The following F8 variants were observed in gnomAD, a reference collection of about 807,000 sequenced individuals.
The protein encoded by F8 is antihemophilic factor.
A neutral mutation model predicts 140.6 loss-of-function variants in F8; 12 were observed. The ratio of observed to expected loss-of-function variants is 0.09; its 90% CI spans 0.05 to 0.14. The LOEUF is 0.14. Ranked by LOEUF, F8 falls within the 10% of genes least tolerant of loss-of-function variation. F8 has a pLI of 1.00. For missense variants in F8, 1,354 were observed against 1,720.7 expected, an observed-to-expected ratio of 0.79 and a Z score of 3.77; for synonymous variants, 585 against 614.6, an observed-to-expected ratio of 0.95 and a Z score of 0.71.
rs1557270921 is a variant in F8, at chrX:154,836,442, C to CTAAA, written c.*1154_*1155insTTTA. On this transcript the variant is annotated 3_prime_UTR_variant, in exon 26 of 26. Transcript: ENST00000360256. ...GGGATCCTATTGTGTGGTGATATGG[C>CTAAA]AGACTGGAGTGTTTTTTCTGTTTTC... The CTAAA allele has an allele frequency of 1.8e-5, 2 of 111,315 alleles. No homozygotes were observed. The highest frequency in any genetic ancestry group is 3.8e-5 in the Non-Finnish European group (2 of 53,091). The allele number at this position is 111,315 out of a possible 1,213,427, so 9.2% of individuals were successfully genotyped here. A position where few individuals can be genotyped will look rare whatever the true frequency, so the allele number is the denominator to read the frequency against.
intron 14 of F8, among the ~76,000 whole-genome samples, chrX:154,909,894 A>G (rs143405323): frequency 0.014 from 1,628 of 112,573 alleles, 12 homozygotes; most frequent in Non-Finnish European, 0.024. Flanking sequence ...ATTTTGAAAC[A>G]TACAATAAAT....
intron 22 of F8, among the ~76,000 whole-genome samples, chrX:154,869,410 T>C (rs984053412): frequency 9.0e-5 from 10 of 111,507 alleles, no homozygotes; most frequent in Non-Finnish European, 1.7e-4. Context: ...ACCACAAAAA[T>C]ACATGGAAAC....
chrX:154,950,035 G>C (rs1225266635), intron 12 of F8, among the ~76,000 whole-genome samples: 1 of 111,825 alleles, frequency 8.9e-6, no homozygotes, highest in Admixed American at 9.5e-5. Context: ...AAAATGCTGG[G>C]ATTACAGGCG....
intron 1 of F8, among the ~76,000 whole-genome samples, chrX:155,004,141 C>A (rs919313711): frequency 3.6e-5 from 4 of 110,636 alleles, no homozygotes; most frequent in Non-Finnish European, 7.6e-5. Context: ...TCCAACTTCG[C>A]CTCAGAAACC....
At chrX:154,967,337 T>A (rs1557282135) in intron 7 of F8, among the ~76,000 whole-genome samples, 1 of 112,469 alleles carries the variant, frequency 8.9e-6, no homozygotes, top group Admixed American at 9.4e-5. Flanking sequence ...TGCCTGTGAC[T>A]AGTTGTAAAC....
At chrX:154,874,156 G>A (rs1603431983) in intron 22 of F8, among the ~76,000 whole-genome samples, 1 of 112,308 alleles carries the variant, frequency 8.9e-6, no homozygotes, top group East Asian at 2.8e-4. Flanking sequence ...AATGGGCAAA[G>A]AACCCAAATA....
rs2072482297 is a variant in F8 at position 154,837,442 on chromosome X, A to G, written c.*155T>C. 1 of 614,674 alleles carries G rather than the reference A, an allele frequency of 1.6e-6. No individual in the cohort carries two copies. Among genetic ancestry groups the G allele is most frequent in the South Asian group, 2.9e-5 (1 of 34,961 alleles). The allele number at this position is 614,674 out of a possible 1,213,427, so 50.7% of individuals were successfully genotyped here. A position where few individuals can be genotyped will look rare whatever the true frequency, so the allele number is the denominator to read the frequency against. ...GATGCACCCTCCTGGCCCCCCACCA[A>G]AGAAATGCAGGACTGATGATAGTTA... On this transcript the variant is annotated 3_prime_UTR_variant, in exon 26 of 26. Coordinates refer to ENST00000360256, the MANE Select transcript of F8 (RefSeq NM_000132.4).
At position 154,936,057 on chromosome X, in the gene F8, A is replaced by AC. The variant is rs200992472; in HGVS notation, c.2114-4382_2114-4381insG. ...AAGTAAAGAGCTTGAAGCCATCCAG[A>AC]TTTTTTTAAAAAGATACATTATGTA... On this transcript the variant is annotated intron_variant, in intron 13 of 25. Transcript: ENST00000360256. 4.8e-3 allele frequency among the ~76,000 whole-genome samples: 524 copies of AC among 109,521 alleles called. 4 individuals carry two copies. The highest frequency in any genetic ancestry group is 8.0e-3 in the Non-Finnish European group (421 of 52,399).
At chrX:154,954,735 T>C (rs1211847393) in intron 11 of F8, among the ~76,000 whole-genome samples, 5 of 111,976 alleles carry the variant, frequency 4.5e-5, no homozygotes, top group African/African-American at 1.6e-4. Context: ...ACCAAAATAC[T>C]GAAGAGAGGA....
At chrX:154,874,089 AT>A (rs1229573316) in intron 22 of F8, among the ~76,000 whole-genome samples, 4 of 112,659 alleles carry the variant, frequency 3.6e-5, no homozygotes, top group African/African-American at 1.3e-4. Flanking sequence ...CAAACTGTAT[AT>A]CTGATAATGG....
At chrX:154,978,597 A>AT (rs1234778022) in intron 6 of F8, among the ~76,000 whole-genome samples, 6 of 111,407 alleles carry the variant, frequency 5.4e-5, no homozygotes, top group Non-Finnish European at 1.1e-4. Flanking sequence ...CCCATCTTAA[A>AT]TTTTTTTTAT....
At chrX:154,937,595 T>A (rs1456706633) in intron 13 of F8, among the ~76,000 whole-genome samples, 1 of 110,753 alleles carries the variant, frequency 9.0e-6, no homozygotes, top group African/African-American at 3.3e-5. Flanking sequence ...TACAAATAAC[T>A]TACTTCAAGT....
intron 22 of F8, among the ~76,000 whole-genome samples, chrX:154,890,617 C>T (rs1248137557): frequency 8.9e-6 from 1 of 111,900 alleles, no homozygotes; most frequent in African/African-American, 3.3e-5. Flanking sequence ...GGAGAAAAGA[C>T]ATATGTGTGT....
At chrX:154,943,462 G>A (rs1467451977) in intron 13 of F8, among the ~76,000 whole-genome samples, 5 of 111,475 alleles carry the variant, frequency 4.5e-5, no homozygotes, top group Non-Finnish European at 5.6e-5. Context: ...AACTTACAAC[G>A]GATGTGAAGG....
Position 154,858,046 on chromosome X carries a change from C to T in F8, c.6900+2386G>A, listed in dbSNP as rs144219461. 5.8e-3 allele frequency among the ~76,000 whole-genome samples: 649 copies of T among 111,493 alleles called. 14 individuals are homozygous for T. The East Asian group carries it at 0.088, about 15-fold the overall frequency. Reference sequence around the variant, plus strand: ...CCCAGCTACTCGGGAGGCTGAGGCACGAGAAATGCTTGAACCTGGGAGGCA... The same window carrying T: ...CCCAGCTACTCGGGAGGCTGAGGCATGAGAAATGCTTGAACCTGGGAGGCA... On this transcript the variant is annotated intron_variant, in intron 25 of 25. Coordinates refer to ENST00000360256, the MANE Select transcript of F8 (RefSeq NM_000132.4).
At chrX:154,865,437 A>G (rs2072724492) in intron 22 of F8, among the ~76,000 whole-genome samples, 1 of 111,680 alleles carries the variant, frequency 9.0e-6, no homozygotes, top group South Asian at 3.7e-4. Flanking sequence ...GTAACACTAT[A>G]ATGATTGTTA....
intron 6 of F8, among the ~76,000 whole-genome samples, chrX:154,984,262 G>C (rs28370207): frequency 9.0e-6 from 1 of 111,672 alleles, no homozygotes; most frequent in African/African-American, 3.3e-5. Flanking sequence ...GCATCTTATT[G>C]TTACTTTATT....
chrX:154,862,565 C>A (rs896713589), intron 23 of F8, among the ~76,000 whole-genome samples: 2 of 110,795 alleles, frequency 1.8e-5, no homozygotes, highest in Non-Finnish European at 3.8e-5. Context: ...CCCAACCTCT[C>A]CCCTCCTGAG....
chrX:154,860,697 T>C, intron 24 of F8, 89 bp from the exon 25 acceptor site: 1 of 879,622 alleles, frequency 1.1e-6, no homozygotes, highest in South Asian at 2.0e-5. Context: ...CCACAGCACT[T>C]CTCACTCTAC....
Sources: allele counts gnomAD v4.1 joint callset (sites outside exome capture counted in the v4.1 genomes callset), GRCh38; gene constraint gnomAD v4.1.1; transcripts MANE v1.5; gene names NCBI Gene and HGNC (gene_info 2026-07-23, HGNC 2026-07-21).